L3MBTL3: variants seen among roughly 807,000 people sequenced by gnomAD.
L3MBTL3 encodes the protein lethal(3)malignant brain tumor-like protein 3.
A neutral mutation model predicts 102.3 loss-of-function variants in L3MBTL3; 27 were observed. That is an observed-to-expected ratio of 0.26 (90% CI 0.19 to 0.36). The LOEUF is 0.36. Ranked by LOEUF, L3MBTL3 falls within the 10% of genes least tolerant of loss-of-function variation. L3MBTL3 has a pLI of 1.00. For missense variants in L3MBTL3, 798 were observed against 955.3 expected, an observed-to-expected ratio of 0.84 and a Z score of 2.17; for synonymous variants, 340 against 320.9, an observed-to-expected ratio of 1.06 and a Z score of -0.64.
intron 2 of L3MBTL3, among the ~76,000 whole-genome samples, chr6:130,025,790 A>G (rs934703634): frequency 1.3e-5 from 2 of 152,174 alleles, no homozygotes; most frequent in Non-Finnish European, 2.9e-5. Context: ...TGTTCCACCA[A>G]CAGATACTTA....
In L3MBTL3 at chr6:130,083,661, G is replaced by C. The variant is rs147567620; in HGVS notation, c.1363G>C (p.Glu455Gln). ...VKHFSWDKYL[E>Q]ETNSLPAPAR... ...ACATTTTTCTTGGGATAAATACTTAGAAGAAACCAATTCTTTACCTGCTCC... is the reference window on the plus strand; with the variant it reads ...ACATTTTTCTTGGGATAAATACTTACAAGAAACCAATTCTTTACCTGCTCC... The change falls in exon 15 of 23, where the codon GAA becomes CAA. Residue 455 changes from glutamate to glutamine, a missense_variant. Coordinates refer to ENST00000361794, the MANE Select transcript of L3MBTL3 (RefSeq NM_032438.4). 4.5e-6 allele frequency: 7 copies of C among 1,547,572 alleles called. No individual in the cohort carries two copies. Among genetic ancestry groups the C allele is most frequent in the South Asian group, 3.6e-5 (3 of 82,852 alleles).
intron 3 of L3MBTL3, among the ~76,000 whole-genome samples, chr6:130,045,665 A>T (rs1352008501): frequency 1.3e-5 from 2 of 152,144 alleles, no homozygotes; most frequent in African/African-American, 4.8e-5. Context: ...ATCAAAAGAG[A>T]TGCAAGGAAA....
chr6:130,062,630 A>G (rs1781970107), intron 10 of L3MBTL3, among the ~76,000 whole-genome samples: 1 of 150,726 alleles, frequency 6.6e-6, no homozygotes, highest in Admixed American at 6.6e-5. Flanking sequence ...CCTGGGCTCA[A>G]GCAGTCCTCC....
chr6:130,042,632 A>G, intron 2 of L3MBTL3, 53 bp from the exon 3 acceptor site: 1 of 1,092,466 alleles, frequency 9.2e-7, no homozygotes, highest in Non-Finnish European at 1.4e-6. Context: ...ACTAAATTAA[A>G]AACAGATTTC....
At position 130,055,851 on chromosome 6, in the gene L3MBTL3, T is replaced by G. The variant is rs77618421; in HGVS notation, c.667+596T>G. On this transcript the variant is annotated intron_variant, in intron 8 of 22. Transcript: ENST00000361794. ...AGCTCCTGGCGTGGAACCTGTTTTT[T>G]GCCTTCTCTTTTCATCTCTTCTGTC... Among the ~76,000 whole-genome samples, 1,501 of 151,496 alleles carry G rather than the reference T, an allele frequency of 9.9e-3. 25 individuals are homozygous for G. The highest frequency in any genetic ancestry group is 0.035 in the African/African-American group (1,432 of 41,240).
At chr6:130,095,505 T>TA in intron 18 of L3MBTL3, among the ~76,000 whole-genome samples, 1 of 152,308 alleles carries the variant, frequency 6.6e-6, no homozygotes, top group Non-Finnish European at 1.5e-5. Context: ...ATTTATATGA[T>TA]ACATCTTGGA....
intron 19 of L3MBTL3, among the ~76,000 whole-genome samples, chr6:130,113,087 GAA>G: frequency 6.6e-6 from 1 of 152,306 alleles, no homozygotes; most frequent in Middle Eastern, 3.4e-3. Context: ...ACAGCTGAGT[GAA>G]ACAATATATG....
At chr6:130,132,986 C>A (rs1007266440) in intron 20 of L3MBTL3, among the ~76,000 whole-genome samples, 2 of 117,942 alleles carry the variant, frequency 1.7e-5, no homozygotes, top group African/African-American at 2.5e-5. Flanking sequence ...AGTTAAAAAA[C>A]CAAACCAAGC....
chr6:130,064,891 G>A (rs1408658876), intron 10 of L3MBTL3, among the ~76,000 whole-genome samples: 2 of 152,158 alleles, frequency 1.3e-5, no homozygotes, highest in African/African-American at 4.8e-5. Flanking sequence ...TGCCCACAAG[G>A]AACTAGAGGC....
At chr6:130,110,952 C>T (rs1388360596) in intron 19 of L3MBTL3, among the ~76,000 whole-genome samples, 1 of 152,166 alleles carries the variant, frequency 6.6e-6, no homozygotes, top group Non-Finnish European at 1.5e-5. Flanking sequence ...TCACATTACT[C>T]ACCTGGATGT....
intron 19 of L3MBTL3, among the ~76,000 whole-genome samples, chr6:130,108,220 GTTTTTTTTTTGTTT>G (rs1235360879): frequency 3.4e-5 from 4 of 118,706 alleles, no homozygotes; most frequent in South Asian, 2.6e-4. Flanking sequence ...ATGTTAGGTG[GTTTTTTTTTTGTTT>G]TTTTTTTTTT....
rs1249184452 is a variant in L3MBTL3, at chr6:130,140,674, T to C, written c.*921T>C. ...CTAATTTTCATTGATGAAATTGTGG[T>C]GGTTTACAGAGACTAAGAGCTCATT... On this transcript the variant is annotated 3_prime_UTR_variant, in exon 23 of 23. Transcript: ENST00000361794. 2.0e-5 allele frequency: 3 copies of C among 152,184 alleles called. No individual in the cohort carries two copies. The highest frequency in any genetic ancestry group is 6.5e-5 in the Admixed American group (1 of 15,278). The allele number at this position is 152,184 out of a possible 1,614,324, so 9.4% of individuals were successfully genotyped here.
rs1468775377 is a variant in L3MBTL3 at position 130,118,109 on chromosome 6, T to C, written c.1887-2770T>C. On this transcript the variant is annotated intron_variant, in intron 19 of 22. Coordinates refer to ENST00000361794, the MANE Select transcript of L3MBTL3 (RefSeq NM_032438.4). Reference sequence around the variant, plus strand: ...ATGAAAGACAATTTGGAGAATAAGTTTATGGCACAAAAAGCATGTTTCCCT... The same window carrying C: ...ATGAAAGACAATTTGGAGAATAAGTCTATGGCACAAAAAGCATGTTTCCCT... 2.0e-5 allele frequency among the ~76,000 whole-genome samples: 3 copies of C among 152,100 alleles called. No homozygotes were observed. The East Asian group carries it at 5.8e-4, about 29-fold the overall frequency.
At chr6:130,103,114 G>A (rs1356368076) in intron 18 of L3MBTL3, among the ~76,000 whole-genome samples, 3 of 152,126 alleles carry the variant, frequency 2.0e-5, no homozygotes, top group Admixed American at 6.5e-5. Context: ...CTTTTTTCTG[G>A]GATGTTGGCA....
intron 19 of L3MBTL3, among the ~76,000 whole-genome samples, chr6:130,118,162 G>GA (rs1456750631): frequency 6.6e-6 from 1 of 151,978 alleles, no homozygotes; most frequent in Non-Finnish European, 1.5e-5. Context: ...CTTTATTTTA[G>GA]AAAAACACAA....
At chr6:130,093,057 A>G (rs1390875369) in intron 17 of L3MBTL3, among the ~76,000 whole-genome samples, 198 bp downstream of exon 17, 1 of 152,222 alleles carries the variant, frequency 6.6e-6, no homozygotes, top group African/African-American at 2.4e-5. Flanking sequence ...CTGAAAAAGT[A>G]AAGCGTGTAT....
chr6:130,065,544 C>T (rs748568458), intron 10 of L3MBTL3, among the ~76,000 whole-genome samples: 3 of 152,214 alleles, frequency 2.0e-5, no homozygotes, highest in Admixed American at 1.3e-4. Flanking sequence ...ATTGCCCTGG[C>T]TCTGCACTCT....
At position 130,140,478 on chromosome 6, in the gene L3MBTL3, A is replaced by G. The variant is rs976680623; in HGVS notation, c.*725A>G. ...ATGAAATTGAAAAATAAAATATATAAACATAAATAAATTAGGTAGTGTATT... is the reference window on the plus strand; with the variant it reads ...ATGAAATTGAAAAATAAAATATATAGACATAAATAAATTAGGTAGTGTATT... On this transcript the variant is annotated 3_prime_UTR_variant, in exon 23 of 23. Transcript: ENST00000361794. 1 of 152,626 alleles carries G rather than the reference A, an allele frequency of 6.6e-6. No homozygotes were observed. Among genetic ancestry groups the G allele is most frequent in the African/African-American group, 2.4e-5 (1 of 41,448 alleles). The allele number at this position is 152,626 out of a possible 1,614,324, so 9.5% of individuals were successfully genotyped here.
intron 15 of L3MBTL3, 35 bp downstream of exon 15, chr6:130,083,740 A>T (rs1254355656): frequency 9.5e-7 from 1 of 1,057,994 alleles, no homozygotes; most frequent in African/African-American, 1.6e-5. Context: ...TGCGTGGATG[A>T]GATCATTTAT....
Sources: allele counts gnomAD v4.1 joint callset (sites outside exome capture counted in the v4.1 genomes callset), GRCh38; gene constraint gnomAD v4.1.1; transcripts MANE v1.5; gene names NCBI Gene and HGNC (gene_info 2026-07-23, HGNC 2026-07-21).